The following RASA2 variants were observed in gnomAD, a reference collection of about 807,000 sequenced individuals.
The protein encoded by RASA2 is RAS p21 protein activator 2, also known as ras GTPase-activating protein 2.
A neutral mutation model predicts 118.2 loss-of-function variants in RASA2; 155 were observed. That is an observed-to-expected ratio of 1.31 (90% CI 1.15 to 1.50). The LOEUF (loss-of-function observed/expected upper bound fraction) is 1.50. RASA2 is among the 40% of genes most tolerant of loss of function. RASA2 has a pLI of 0.00. For synonymous variants in RASA2, 353 were observed against 349.1 expected (o/e 1.01, Z -0.12); for missense variants, 1,016 against 1,009.6 (o/e 1.01, Z -0.09).
intron 23 of RASA2, among the ~76,000 whole-genome samples, chr3:141,611,744 A>T (rs111905121): frequency 1.1e-4 from 16 of 152,322 alleles, no homozygotes; most frequent in African/African-American, 3.6e-4. Context: ...TTTGACAAGT[A>T]TAAATATTTA....
In RASA2 at chr3:141,577,098, C is replaced by T; in HGVS notation, c.1582C>T (p.His528Tyr). Residue 528 changes from histidine (H) to tyrosine (Y), a missense_variant, in exon 15 of 24, where the codon CAT becomes TAT. By Grantham distance (83) the His-to-Tyr change is moderately conservative (BLOSUM62 2). Transcript: ENST00000286364. ...ACCTCATACTTTTCATTTGCGACCT[C>T]ATCATCCAGTAAGTGTTCATTCTTC... is the stretch of plus-strand genomic sequence containing the variant. ...VSPHTFHLRP[H>Y]HPDAQTIRTL... The T allele has an allele frequency of 6.3e-7, 1 of 1,586,714 alleles. No individual in the cohort carries two copies. The highest frequency in any genetic ancestry group is 8.6e-7 in the Non-Finnish European group (1 of 1,157,842).
intron 1 of RASA2, 114 bp from the exon 2 acceptor site, chr3:141,512,049 T>G (rs541877076): frequency 5.8e-6 from 4 of 684,180 alleles, no homozygotes; most frequent in Admixed American, 6.2e-5. Flanking sequence ...CTAGTGTTTT[T>G]TTTTTTTTCT....
intron 10 of RASA2, 121 bp downstream of exon 10, chr3:141,571,189 C>T: frequency 1.8e-6 from 2 of 1,104,078 alleles, no homozygotes; most frequent in Non-Finnish European, 2.5e-6. Flanking sequence ...TATATACATA[C>T]ATATATATAC....
At chr3:141,598,858 G>A (rs2083416469) in intron 19 of RASA2, among the ~76,000 whole-genome samples, 1 of 152,066 alleles carries the variant, frequency 6.6e-6, no homozygotes, top group Non-Finnish European at 1.5e-5. Flanking sequence ...GCCAAGGTGG[G>A]CAGATCACTT....
At chr3:141,535,641 T>C (rs1292189783) in intron 4 of RASA2, among the ~76,000 whole-genome samples, 1 of 152,150 alleles carries the variant, frequency 6.6e-6, no homozygotes, top group Non-Finnish European at 1.5e-5. Context: ...GGTGAGTGCT[T>C]CAGGAAGCTT....
chr3:141,538,439 A>G (rs1345250809), intron 4 of RASA2, among the ~76,000 whole-genome samples: 2 of 152,116 alleles, frequency 1.3e-5, no homozygotes, highest in African/African-American at 4.8e-5. Context: ...CACCAACCAA[A>G]GGTATCTTCT....
chr3:141,587,369 G>C (rs2083220564), intron 19 of RASA2, among the ~76,000 whole-genome samples: 1 of 152,218 alleles, frequency 6.6e-6, no homozygotes, highest in Non-Finnish European at 1.5e-5. Flanking sequence ...TCAGTAGACT[G>C]ACACAGTCCT....
At chr3:141,579,075 G>T (rs549196982) in intron 15 of RASA2, among the ~76,000 whole-genome samples, 1 of 151,876 alleles carries the variant, frequency 6.6e-6, no homozygotes, top group Non-Finnish European at 1.5e-5. Flanking sequence ...TTATATTCTG[G>T]TCATCTCTTC....
Position 141,565,341 on chromosome 3 carries a change from C to G in RASA2, c.863+5346C>G, listed in dbSNP as rs371292240. 2.4e-4 allele frequency among the ~76,000 whole-genome samples: 37 copies of G among 152,252 alleles called. 2 individuals are homozygous for G. Among genetic ancestry groups the G allele is most frequent in the African/African-American group, 8.7e-4 (36 of 41,548 alleles). ...GAGATGTCTGAATTTGCAAGGTTGC[C>G]GAACATGCCCTGGATTGTGAAAAAT... On this transcript the variant is annotated intron_variant, in intron 9 of 23. Transcript: ENST00000286364.
intron 3 of RASA2, among the ~76,000 whole-genome samples, chr3:141,524,431 A>G (rs1398740945): frequency 2.6e-5 from 4 of 152,188 alleles, no homozygotes; most frequent in Non-Finnish European, 5.9e-5. Flanking sequence ...CCAGTTTACC[A>G]CAAAGACCAA....
rs774514124 is a variant in RASA2, at chr3:141,487,136, C to T, written c.53C>T (p.Ala18Val). 15 of 1,448,124 alleles carry T rather than the reference C, an allele frequency of 1.0e-5. No individual in the cohort carries two copies. The highest frequency in any genetic ancestry group is 2.9e-5 in the African/African-American group (2 of 68,062). The allele number at this position is 1,448,124 out of a possible 1,614,324, so 89.7% of individuals were successfully genotyped here. ...GCGGCTTCTTCCGAGGCGCCAGCGGCGAGTGCGACTGCAGAGCCCGAGGCC... is the reference window on the plus strand; with the variant it reads ...GCGGCTTCTTCCGAGGCGCCAGCGGTGAGTGCGACTGCAGAGCCCGAGGCC... Reference protein sequence around the residue: ...AAAASSEAPAASATAEPEAGD... With the variant: ...AAAASSEAPAVSATAEPEAGD... The change falls in exon 1 of 24, where the codon GCG becomes GTG. Residue 18 changes from alanine to valine, a missense_variant. By Grantham distance (64) the Ala-to-Val change is moderately conservative. Around this residue, in one of 2 missense-constraint regions of RASA2, gnomAD observed 896 missense variants for 836.4 expected, o/e 1.07. Coordinates refer to ENST00000286364, the MANE Select transcript of RASA2 (RefSeq NM_006506.5).
intron 3 of RASA2, among the ~76,000 whole-genome samples, chr3:141,522,712 A>G (rs2082129238): frequency 6.6e-6 from 1 of 152,160 alleles, no homozygotes; most frequent in Non-Finnish European, 1.5e-5. Context: ...ATGCGGGGCA[A>G]CTGCTTTTGA....
intron 4 of RASA2, among the ~76,000 whole-genome samples, chr3:141,530,928 A>G (rs953344786): frequency 1.3e-5 from 2 of 152,130 alleles, no homozygotes; most frequent in Non-Finnish European, 1.5e-5. Context: ...CTTAGGTCCT[A>G]GTTTTTATAT....
chr3:141,593,014 A>T (rs1008222152), intron 19 of RASA2, among the ~76,000 whole-genome samples: 28 of 152,168 alleles, frequency 1.8e-4, no homozygotes, highest in African/African-American at 6.8e-4. Context: ...AATTCTCTGA[A>T]GAATTTGACC....
At chr3:141,559,047 T>C in intron 8 of RASA2, 85 bp downstream of exon 8, 1 of 1,139,062 alleles carries the variant, frequency 8.8e-7, no homozygotes, top group Non-Finnish European at 1.3e-6. Flanking sequence ...AAACCAACTT[T>C]AATAGAATTC....
chr3:141,573,276 C>G, intron 13 of RASA2, 55 bp downstream of exon 13: 3 of 1,480,278 alleles, frequency 2.0e-6, no homozygotes, highest in Non-Finnish European at 2.7e-6. Flanking sequence ...TAATGGTGTA[C>G]CTTTCTCCCA....
chr3:141,558,998 G>A (rs757280924), intron 8 of RASA2, 36 bp downstream of exon 8: 2 of 1,508,918 alleles, frequency 1.3e-6, no homozygotes, highest in Non-Finnish European at 9.1e-7. Context: ...TTGCTTTTTT[G>A]TATACCAAAA....
chr3:141,553,938 T>C lies in RASA2; in HGVS notation c.609T>C (p.Ser203=), dbSNP rs151001628. ...PYATVSLVGP[S]RNDQKKTKVK... is the part of the protein sequence containing the mutation. ...CAACAGTTTCTCTAGTGGGCCCTTC[T>C]AGGTAATATTTATTGAATTATTATT... Residue 203 remains serine, a splice_region_variant and synonymous_variant, in exon 6 of 24, where the codon TCT becomes TCC. Transcript: ENST00000286364. 1 of 1,603,398 alleles carries C rather than the reference T, an allele frequency of 6.2e-7. No individual in the cohort carries two copies.
intron 19 of RASA2, among the ~76,000 whole-genome samples, chr3:141,589,307 A>T (rs909680109): frequency 6.6e-6 from 1 of 152,234 alleles, no homozygotes; most frequent in Non-Finnish European, 1.5e-5. Flanking sequence ...CTGTGAATAA[A>T]TGAGTTCTTT....
Sources: gnomAD v4.1 joint callset for allele counts (sites outside exome capture counted in the v4.1 genomes callset) on GRCh38, gnomAD v4.1.1 for gene constraint, gnomAD v4.1.1 regional missense constraint, MANE v1.5 for transcripts, NCBI Gene and HGNC (gene_info 2026-07-23, HGNC 2026-07-21) for gene names.